Variants in DOCK5 observed in about 807,000 individuals in gnomAD.
DOCK5 encodes the protein dedicator of cytokinesis protein 5.
DOCK5 carries 142 observed loss-of-function variants against 251.8 expected under a neutral mutation model. That is an observed-to-expected ratio of 0.56 (90% CI 0.49 to 0.65). DOCK5 has a LOEUF of 0.65. DOCK5 is among the 30% of genes least tolerant of loss of function. The pLI, the probability that DOCK5 is intolerant of heterozygous loss-of-function variation, is 0.00. For synonymous variants in DOCK5, 842 were observed against 835.5 expected (o/e 1.01, Z -0.13); for missense variants, 2,111 against 2,312.3 (o/e 0.91, Z 1.79).
At chr8:25,188,084 T>C (rs901605255) in intron 1 of DOCK5, among the ~76,000 whole-genome samples, 2 of 152,216 alleles carry the variant, frequency 1.3e-5, no homozygotes, top group South Asian at 2.1e-4. Context: ...CGTTCTAAAG[T>C]ACACTAACCT....
intron 39 of DOCK5, among the ~76,000 whole-genome samples, chr8:25,380,993 C>T (rs1801056650): frequency 6.6e-6 from 1 of 151,218 alleles, no homozygotes; most frequent in Non-Finnish European, 1.5e-5. Context: ...TTCTAAATGC[C>T]CCAGCGGTAG....
chr8:25,369,049 A>G (rs763473703), intron 33 of DOCK5, among the ~76,000 whole-genome samples: 3 of 152,230 alleles, frequency 2.0e-5, no homozygotes, highest in Non-Finnish European at 4.4e-5. Flanking sequence ...TTAAAAACCT[A>G]TCTATTATAG....
intron 46 of DOCK5, 125 bp from the exon 47 acceptor site, chr8:25,400,804 C>T (rs1405439330): frequency 9.6e-7 from 1 of 1,039,054 alleles, no homozygotes; most frequent in African/African-American, 1.6e-5. Flanking sequence ...GAGAAGTGGC[C>T]TTCCCATTGG....
At chr8:25,330,210 G>A (rs1805651733) in intron 18 of DOCK5, among the ~76,000 whole-genome samples, 1 of 152,202 alleles carries the variant, frequency 6.6e-6, no homozygotes, top group South Asian at 2.1e-4. Context: ...CCTAGTGGAT[G>A]AATGAATATA....
At chr8:25,341,877 T>C in intron 24 of DOCK5, 68 bp downstream of exon 24, 12 of 1,280,926 alleles carry the variant, frequency 9.4e-6, no homozygotes, top group Admixed American at 6.7e-5. Context: ...GGCTGGAGCC[T>C]GGGCTGCTAC....
At chr8:25,318,478 A>ACTCCC (rs1563200333) in intron 14 of DOCK5, among the ~76,000 whole-genome samples, 10 of 65,434 alleles carry the variant, frequency 1.5e-4, no homozygotes, top group African/African-American at 4.8e-4. Flanking sequence ...TCTCCTCTCC[A>ACTCCC]CTCCCCTCCC....
At chr8:25,377,528 G>T (rs1257179465) in intron 38 of DOCK5, 104 bp downstream of exon 38, 18 of 1,388,076 alleles carry the variant, frequency 1.3e-5, no homozygotes, top group Non-Finnish European at 1.6e-5. Flanking sequence ...GACTACCCAG[G>T]TTCAGGGCAC....
At chr8:25,323,494 G>A (rs921939753) in intron 16 of DOCK5, among the ~76,000 whole-genome samples, 1 of 152,160 alleles carries the variant, frequency 6.6e-6, no homozygotes, top group Non-Finnish European at 1.5e-5. Flanking sequence ...AGAGGTGAGT[G>A]TGGCCTGAAG....
intron 5 of DOCK5, among the ~76,000 whole-genome samples, chr8:25,289,939 G>T (rs1284200705): frequency 6.6e-6 from 1 of 152,174 alleles, no homozygotes; most frequent in Non-Finnish European, 1.5e-5. Flanking sequence ...GTGATACACA[G>T]AAGACTTTTC....
At chr8:25,279,152 T>C (rs1186649025) in intron 5 of DOCK5, among the ~76,000 whole-genome samples, 1 of 152,160 alleles carries the variant, frequency 6.6e-6, no homozygotes, top group Non-Finnish European at 1.5e-5. Context: ...CCTTACAGAC[T>C]CAGAAACTTG....
intron 2 of DOCK5, among the ~76,000 whole-genome samples, chr8:25,258,906 G>T (rs921729634): frequency 6.6e-6 from 1 of 152,122 alleles, no homozygotes; most frequent in African/African-American, 2.4e-5. Flanking sequence ...ATCACTTGAG[G>T]TCAAGAGTTT....
chr8:25,213,510 GTTTT>G (rs1438319739), intron 1 of DOCK5, among the ~76,000 whole-genome samples: 6 of 152,086 alleles, frequency 3.9e-5, no homozygotes, highest in Non-Finnish European at 7.4e-5. Flanking sequence ...GAGACCTGGT[GTTTT>G]TTGTTTGTTT....
chr8:25,184,844 G>GGCGGCC lies in DOCK5; in HGVS notation c.-63_-58dup. 7.9e-7 allele frequency: 1 copy of GGCGGCC among 1,264,630 alleles called. No homozygotes were observed. The highest frequency in any genetic ancestry group is 4.2e-5 in the Admixed American group (1 of 23,878). 78.3% of individuals were successfully genotyped at this position (1,264,630 alleles called of 1,614,324 possible). Reference sequence around the variant, plus strand: ...GGGGCACGCAGGAGCGCGGGGCGGCGGCGGCCGGAGCCCGAGGAGCTGTAG... The same window carrying GGCGGCC: ...GGGGCACGCAGGAGCGCGGGGCGGCGGCGGCCGCGGCCGGAGCCCGAGGAGCTGTAG... On this transcript the variant is annotated 5_prime_UTR_variant, in exon 1 of 52. Coordinates refer to ENST00000276440, the MANE Select transcript of DOCK5 (RefSeq NM_024940.8).
intron 1 of DOCK5, among the ~76,000 whole-genome samples, chr8:25,206,933 G>A (rs1802015275): frequency 6.6e-6 from 1 of 152,178 alleles, no homozygotes; most frequent in Admixed American, 6.5e-5. Flanking sequence ...GATAGAGAGA[G>A]GGGAGCAGAT....
intron 2 of DOCK5, among the ~76,000 whole-genome samples, chr8:25,268,534 G>A (rs1427055695): frequency 2.0e-5 from 3 of 152,096 alleles, no homozygotes; most frequent in Admixed American, 1.3e-4. Context: ...AAGGTATTAG[G>A]GTGATAAGAA....
In DOCK5 at chr8:25,368,606, G is replaced by A. The variant is rs761652753; in HGVS notation, c.3319G>A (p.Gly1107Ser). 1.2e-6 allele frequency: 2 copies of A among 1,611,908 alleles called. No homozygotes were observed. Among genetic ancestry groups the A allele is most frequent in the South Asian group, 2.2e-5 (2 of 90,378 alleles). ...HKIKFIPSMV[G>S]PILEVTLTPE... Reference sequence around the variant, plus strand: ...AATCAAATTCATCCCATCCATGGTGGGTCCCATTCTGGAGGTCACTCTGAC... The same window carrying A: ...AATCAAATTCATCCCATCCATGGTGAGTCCCATTCTGGAGGTCACTCTGAC... Residue 1107 changes from glycine (G) to serine (S), a missense_variant, in exon 33 of 52, where the codon GGT becomes AGT. Gly to Ser is a moderately conservative substitution (Grantham distance 56, BLOSUM62 0). This residue lies in a region of DOCK5 where 1,717 missense variants were observed against 1,892.4 expected (regional missense o/e 0.91). Coordinates refer to ENST00000276440, the MANE Select transcript of DOCK5 (RefSeq NM_024940.8).
At chr8:25,377,507 G>A in intron 38 of DOCK5, 83 bp downstream of exon 38, 9 of 1,467,876 alleles carry the variant, frequency 6.1e-6, no homozygotes, top group Non-Finnish European at 8.2e-6. Context: ...TCACCACTTG[G>A]AGTTAGCACT....
At chr8:25,304,362 G>T in intron 11 of DOCK5, 35 bp downstream of exon 11, 1 of 1,547,874 alleles carries the variant, frequency 6.5e-7, no homozygotes. Flanking sequence ...GGTGACTTGA[G>T]ACCTGGATTA....
chr8:25,315,452 G>T (rs1227074267), intron 13 of DOCK5, among the ~76,000 whole-genome samples: 1 of 152,124 alleles, frequency 6.6e-6, no homozygotes, highest in Non-Finnish European at 1.5e-5. Context: ...ACCTGAGTTG[G>T]GGCAAGGCTG....
Sources: gnomAD v4.1 joint callset for allele counts (sites outside exome capture counted in the v4.1 genomes callset) on GRCh38, gnomAD v4.1.1 for gene constraint, gnomAD v4.1.1 regional missense constraint, MANE v1.5 for transcripts, NCBI Gene and HGNC (gene_info 2026-07-23, HGNC 2026-07-21) for gene names.